CLDN16: variants seen among roughly 807,000 people sequenced by gnomAD.
CLDN16 encodes the protein claudin-16.
A neutral mutation model predicts 24.6 loss-of-function variants in CLDN16; 13 were observed. That is an observed-to-expected ratio of 0.53 (90% CI 0.34 to 0.84). The LOEUF (loss-of-function observed/expected upper bound fraction) is 0.84. Ranked by LOEUF, CLDN16 falls within the 40% of genes least tolerant of loss-of-function variation. The pLI, the probability that CLDN16 is intolerant of heterozygous loss-of-function variation, is 0.01. For missense variants in CLDN16, 298 were observed against 292.7 expected, an observed-to-expected ratio of 1.02 and a Z score of -0.13; for synonymous variants, 116 against 106.7, an observed-to-expected ratio of 1.09 and a Z score of -0.54.
upstream of CLDN16, among the ~76,000 whole-genome samples, chr3:190,383,177 A>G (rs1718408465): frequency 6.6e-6 from 1 of 152,118 alleles, no homozygotes; most frequent in Non-Finnish European, 1.5e-5. Flanking sequence ...AAACAAACAA[A>G]CAAACAAATA....
At chr3:190,388,765 A>T (rs1718574778) in intron 1 of CLDN16, among the ~76,000 whole-genome samples, 1 of 152,186 alleles carries the variant, frequency 6.6e-6, no homozygotes, top group Non-Finnish European at 1.5e-5. Context: ...TGCTGCATAT[A>T]TCATATTGAG....
chr3:190,394,822 G>A (rs1044476717), intron 1 of CLDN16, among the ~76,000 whole-genome samples: 11 of 151,886 alleles, frequency 7.2e-5, no homozygotes, highest in African/African-American at 1.2e-4. Flanking sequence ...GCAAGATTTC[G>A]TATCTTGCTA....
rs181277999 is a variant in CLDN16 at position 190,340,241 on chromosome 3, G to A, written n.121+17580G>A. On this transcript the variant is annotated intron_variant and non_coding_transcript_variant, in intron 1 of 4. Coordinates refer to the CLDN16 transcript ENST00000468220. ...AAGAAACTGACAGCATTTCCTCTGA[G>A]ATCTGGTATAAGACAAGGATGCCTA... Among the ~76,000 whole-genome samples, 209 of 152,334 alleles carry A rather than the reference G, an allele frequency of 1.4e-3. 1 individual carries two copies. The highest frequency in any genetic ancestry group is 3.9e-3 in the African/African-American group (162 of 41,584).
At chr3:190,322,173 T>C (rs370118299), upstream of CLDN16, 2 of 1,613,940 alleles carry the variant, frequency 1.2e-6, no homozygotes, top group Non-Finnish European at 1.7e-6. Flanking sequence ...AAGGCGAGAA[T>C]GAAGCCCAAC....
chr3:190,306,528 A>C, the CLDN16 span: 1 of 152,460 alleles, frequency 6.6e-6, no homozygotes, highest in Non-Finnish European at 1.5e-5. Context: ...TCCCCACAAC[A>C]TCACTGTGAG....
At position 190,348,367 on chromosome 3, in the gene CLDN16, T is replaced by G. The variant is rs1042237742; in HGVS notation, n.122-22526T>G. ...TGTGTGTGTGTGTGTGTGTGTGTGG[T>G]GTGTGTCTTTGGAAGATTATGTTTC... On this transcript the variant is annotated intron_variant and non_coding_transcript_variant, in intron 1 of 4. Coordinates refer to the CLDN16 transcript ENST00000468220. Among the ~76,000 whole-genome samples the G allele has an allele frequency of 1.5e-3, 202 of 133,378 alleles. 1 individual carries two copies. The highest frequency in any genetic ancestry group is 1.3e-3 in the Non-Finnish European group (81 of 62,598). The allele number at this position is 133,378 out of a possible 152,430, so 87.5% of individuals were successfully genotyped here. A position where few individuals can be genotyped will look rare whatever the true frequency, so the allele number is the denominator to read the frequency against.
intron 1 of CLDN16, among the ~76,000 whole-genome samples, chr3:190,358,405 A>G (rs1188443609): frequency 1.3e-5 from 2 of 151,968 alleles, no homozygotes; most frequent in African/African-American, 4.8e-5. Context: ...AGTACGAATG[A>G]CACATAGGAC....
At chr3:190,371,777 C>T (rs4438632) in intron 2 of CLDN16, among the ~76,000 whole-genome samples, 15,774 of 152,012 alleles carry the variant, frequency 0.1, 1,338 homozygotes, top group East Asian at 0.39. Flanking sequence ...TGGTAATTTG[C>T]TCATTCCTGA....
chr3:190,389,307 A>C (rs542469712), intron 1 of CLDN16, among the ~76,000 whole-genome samples: 1 of 152,346 alleles, frequency 6.6e-6, no homozygotes, highest in East Asian at 1.9e-4. Flanking sequence ...GCTCAAAAAA[A>C]GGAGTATATA....
intron 1 of CLDN16, among the ~76,000 whole-genome samples, chr3:190,340,969 G>A (rs112418798): frequency 0.039 from 5,971 of 152,218 alleles, 395 homozygotes; most frequent in African/African-American, 0.13. Flanking sequence ...CAGGTCTCAC[G>A]ACCAGGTCAT....
chr3:190,325,557 G>A (rs1186257022), intron 1 of CLDN16, among the ~76,000 whole-genome samples: 3 of 152,166 alleles, frequency 2.0e-5, no homozygotes, highest in African/African-American at 4.8e-5. Context: ...GTGCTTGTGC[G>A]ACTGATGCTT....
intron 3 of CLDN16, among the ~76,000 whole-genome samples, chr3:190,380,467 G>T (rs1718346617): frequency 6.6e-6 from 1 of 151,974 alleles, no homozygotes; most frequent in South Asian, 2.1e-4. Context: ...ATGATAAATG[G>T]TAGGGAAAAT....
chr3:190,349,957 G>GT (rs1717635260), intron 1 of CLDN16, among the ~76,000 whole-genome samples: 1 of 152,106 alleles, frequency 6.6e-6, no homozygotes, highest in African/African-American at 2.4e-5. Context: ...TGAAGGATTG[G>GT]TCTTAAAACC....
At position 190,382,222 on chromosome 3, in the gene CLDN16, C is replaced by T. The variant is rs536348782; in HGVS notation, n.306+7619C>T. On this transcript the variant is annotated intron_variant and non_coding_transcript_variant, in intron 3 of 4. Coordinates refer to the CLDN16 transcript ENST00000468220. ...TTAACCTTTCACATTAGGTTTATTC[C>T]AACCTGGTTCACTCAAAACACCCCC... is the stretch of plus-strand genomic sequence containing the variant. Among the ~76,000 whole-genome samples the T allele has an allele frequency of 2.0e-5, 3 of 152,118 alleles. No individual in the cohort carries two copies. The South Asian group carries it at 6.2e-4, about 32-fold the overall frequency.
upstream of CLDN16, chr3:190,321,938 G>T (rs564356032): frequency 6.8e-7 from 1 of 1,476,812 alleles, no homozygotes; most frequent in East Asian, 2.3e-5. Flanking sequence ...AGCTGCAGGG[G>T]GACTGGGGCC....
chr3:190,355,572 C>G (rs915791453), intron 1 of CLDN16, among the ~76,000 whole-genome samples: 3 of 151,764 alleles, frequency 2.0e-5, no homozygotes, highest in Non-Finnish European at 2.9e-5. Context: ...CATCAGATCT[C>G]AGATTATTAG....
At chr3:190,408,583 G>C (rs921389692) in intron 4 of CLDN16, 78 bp downstream of exon 4, 6 of 1,319,182 alleles carry the variant, frequency 4.5e-6, no homozygotes, top group African/African-American at 4.5e-5. Flanking sequence ...AATTTCAAAA[G>C]GAAAAAAATG....
At position 190,412,083 on chromosome 3, in the gene CLDN16, A is replaced by G. The variant is rs1719299482; in HGVS notation, c.*2047A>G. 1 of 152,124 alleles carries G rather than the reference A, an allele frequency of 6.6e-6. No homozygotes were observed. Among genetic ancestry groups the G allele is most frequent in the African/African-American group, 2.4e-5 (1 of 41,434 alleles). The allele number at this position is 152,124 out of a possible 1,614,324, so 9.4% of individuals were successfully genotyped here. On this transcript the variant is annotated 3_prime_UTR_variant, in exon 5 of 5. Coordinates refer to ENST00000264734, the MANE Select transcript of CLDN16 (RefSeq NM_006580.4). ...AATATTTCAGAGAACCATGATGATAATGGATATGTGTGACTGTTTTGAATT... is the reference window on the plus strand; with the variant it reads ...AATATTTCAGAGAACCATGATGATAGTGGATATGTGTGACTGTTTTGAATT...
the CLDN16 span, chr3:190,308,182 C>G: frequency 6.9e-7 from 1 of 1,455,742 alleles, no homozygotes; most frequent in Non-Finnish European, 9.6e-7. Flanking sequence ...CTTCAGATTA[C>G]AATACCCAAA....
Sources: allele counts gnomAD v4.1 joint callset (sites outside exome capture counted in the v4.1 genomes callset), GRCh38; gene constraint gnomAD v4.1.1; transcripts MANE v1.5; gene names NCBI Gene and HGNC (gene_info 2026-07-23, HGNC 2026-07-21).